The following TOGARAM2 variants were observed in gnomAD, a reference collection of about 807,000 sequenced individuals.
TOGARAM2 encodes TOG array regulator of axonemal microtubules 2, also known as TOG array regulator of axonemal microtubules protein 2.
TOGARAM2 carries 85 observed loss-of-function variants against 93.3 expected under a neutral mutation model. That is an observed-to-expected ratio of 0.91 (90% CI 0.76 to 1.09). The LOEUF (loss-of-function observed/expected upper bound fraction) is 1.09, where lower values mean the gene tolerates loss of function less well. TOGARAM2 is among the 50% of genes least tolerant of loss of function. The pLI is 0.00. For synonymous variants in TOGARAM2, 593 were observed against 552.8 expected (o/e 1.07, Z -1.02); for missense variants, 1,277 against 1,334.5 (o/e 0.96, Z 0.67).
intron 1 of TOGARAM2, among the ~76,000 whole-genome samples, chr2:28,992,003 C>T (rs1672756487): frequency 6.6e-6 from 1 of 152,184 alleles, no homozygotes; most frequent in African/African-American, 2.4e-5. Flanking sequence ...CCAGAATCCA[C>T]TGGCTCATTT....
At chr2:29,001,136 G>A (rs1290796107) in intron 4 of TOGARAM2, among the ~76,000 whole-genome samples, 5 of 152,030 alleles carry the variant, frequency 3.3e-5, no homozygotes, top group Admixed American at 3.3e-4. Flanking sequence ...ACTCCTCTGT[G>A]CCCTGACCCA....
chr2:29,004,630 GTGAGTGTA>G (rs1673515456), intron 6 of TOGARAM2, among the ~76,000 whole-genome samples: 1 of 46,704 alleles, frequency 2.1e-5, no homozygotes, highest in Non-Finnish European at 6.4e-5. Flanking sequence ...GCAGGTATGT[GTGAGTGTA>G]TGTGTATGAG....
chr2:28,984,100 T>C (rs1470179913), intron 1 of TOGARAM2, among the ~76,000 whole-genome samples: 3 of 151,906 alleles, frequency 2.0e-5, no homozygotes, highest in African/African-American at 7.3e-5. Flanking sequence ...CACATACTTC[T>C]TAGTGTTTGA....
intron 2 of TOGARAM2, among the ~76,000 whole-genome samples, chr2:28,997,807 T>C (rs1180105674): frequency 1.3e-5 from 2 of 152,020 alleles, no homozygotes; most frequent in African/African-American, 2.4e-5. Context: ...ACTCCATCGG[T>C]CAATGATGTT....
intron 1 of TOGARAM2, among the ~76,000 whole-genome samples, chr2:28,990,124 G>T (rs1672650605): frequency 6.6e-6 from 1 of 152,168 alleles, no homozygotes; most frequent in Non-Finnish European, 1.5e-5. Context: ...GGAAGCATGG[G>T]TAGCTGTTTC....
intron 19 of TOGARAM2, chr2:29,046,772 C>T (rs1666770964): frequency 6.5e-6 from 1 of 152,858 alleles, no homozygotes; most frequent in Admixed American, 6.5e-5. Context: ...AAGACCCCAA[C>T]CCTGTGCTGT....
In TOGARAM2 at chr2:29,035,636, G is replaced by A. The variant is rs1250595351; in HGVS notation, c.2398G>A (p.Val800Ile). Residue 800 changes from valine (V) to isoleucine (I), a missense_variant, in exon 17 of 20, where the codon GTC (valine) becomes ATC (isoleucine). Physicochemically the swap from Val to Ile is conservative, Grantham distance 29. Coordinates refer to ENST00000379558, the MANE Select transcript of TOGARAM2 (RefSeq NM_199280.4). ...GCTCTGCAAGGCCAAGACGGAGCTT[G>A]TCACTGCCCACCTGGTCCAGGTGAG... is the stretch of plus-strand genomic sequence containing the variant. ...LELCKAKTEL[V>I]TAHLVQVFDA... 1 of 1,520,542 alleles carries A rather than the reference G, an allele frequency of 6.6e-7. No individual in the cohort carries two copies. The highest frequency in any genetic ancestry group is 8.8e-7 in the Non-Finnish European group (1 of 1,131,094). The allele number at this position is 1,520,542 out of a possible 1,614,324, so 94.2% of individuals were successfully genotyped here.
intron 1 of TOGARAM2, among the ~76,000 whole-genome samples, chr2:28,982,866 AC>A (rs1213365526): frequency 6.6e-6 from 1 of 151,102 alleles, no homozygotes; most frequent in Non-Finnish European, 1.5e-5. Context: ...CCCAGAACCC[AC>A]CCCCGTGGGC....
chr2:29,027,209 C>T (rs11896479), intron 14 of TOGARAM2, among the ~76,000 whole-genome samples, 198 bp downstream of exon 14: 96,099 of 152,088 alleles, frequency 0.63, 31,209 homozygotes, highest in Middle Eastern at 0.74. Flanking sequence ...TCCTTACTCC[C>T]TGCCTCCACT....
At chr2:28,975,362 G>A (rs936634880) in intron 1 of TOGARAM2, among the ~76,000 whole-genome samples, 3 of 151,734 alleles carry the variant, frequency 2.0e-5, no homozygotes, top group Non-Finnish European at 4.4e-5. Context: ...CTATGTTTTT[G>A]TGTTTTTAGT....
chr2:29,012,706 C>A (rs559509739), intron 7 of TOGARAM2, among the ~76,000 whole-genome samples: 4 of 152,324 alleles, frequency 2.6e-5, no homozygotes, highest in Non-Finnish European at 4.4e-5. Context: ...CCTTAAAGGG[C>A]TCTCTGCCCT....
chr2:28,967,798 CTTTTTT>C (rs11417570), intron 1 of TOGARAM2, among the ~76,000 whole-genome samples: 15 of 78,570 alleles, frequency 1.9e-4, no homozygotes, highest in African/African-American at 7.5e-4. Context: ...ATAAGATGGT[CTTTTTT>C]TTTTTTTTTT....
At chr2:28,957,472 C>T (rs866933979) in intron 1 of TOGARAM2, among the ~76,000 whole-genome samples, 3 of 152,164 alleles carry the variant, frequency 2.0e-5, no homozygotes, top group Non-Finnish European at 1.5e-5. Flanking sequence ...TAAGCCACTG[C>T]GCCTGGCCAA....
At chr2:29,009,884 C>T (rs1001665352) in intron 6 of TOGARAM2, among the ~76,000 whole-genome samples, 1 of 152,052 alleles carries the variant, frequency 6.6e-6, no homozygotes, top group Non-Finnish European at 1.5e-5. Flanking sequence ...AAGGCAGGGG[C>T]CCTGATCGGC....
Position 29,033,510 on chromosome 2 carries a change from C to A in TOGARAM2, c.2172C>A (p.Arg724=), listed in dbSNP as rs766266785. Residue 724 remains arginine (R), a synonymous_variant, in exon 16 of 20, where the codon CGC becomes CGA. Transcript: ENST00000379558. ...ATGAACTTCCCTCTGCCAAAGGCCG[C>A]AAGGTGTTGAGGAGTCTGGTGGTGT... ...DNDELPSAKG[R]KVLRSLVVCE... is the part of the protein sequence containing the mutation. 6.2e-7 allele frequency: 1 copy of A among 1,613,778 alleles called. No homozygotes were observed. The highest frequency in any genetic ancestry group is 1.3e-5 in the African/African-American group (1 of 75,016).
upstream of TOGARAM2, among the ~76,000 whole-genome samples, chr2:28,978,805 G>T (rs1672072418): frequency 6.6e-6 from 1 of 152,058 alleles, no homozygotes; most frequent in Non-Finnish European, 1.5e-5. Context: ...GAGAGTCGGG[G>T]CAATGACTGG....
intron 18 of TOGARAM2, among the ~76,000 whole-genome samples, chr2:29,042,948 A>G (rs1050470582): frequency 8.5e-5 from 13 of 152,202 alleles, no homozygotes; most frequent in Admixed American, 2.6e-4. Flanking sequence ...GTCACTCTGG[A>G]TGTTTACCTT....
Position 29,027,023 on chromosome 2 carries a change from C to A in TOGARAM2, c.2012+12C>A. The A allele has an allele frequency of 6.5e-7, 1 of 1,548,440 alleles. No homozygotes were observed. Among genetic ancestry groups the A allele is most frequent in the Non-Finnish European group, 8.7e-7 (1 of 1,144,508 alleles). ...AACCAGGACACCAGGTAGGGCAGGG[C>A]CAGGGGCCTGGGGGCAGAGAAGGCA... On this transcript the variant is annotated intron_variant, in intron 14 of 19. Coordinates refer to ENST00000379558, the MANE Select transcript of TOGARAM2 (RefSeq NM_199280.4).
intron 7 of TOGARAM2, among the ~76,000 whole-genome samples, chr2:29,013,502 A>C (rs1664375563): frequency 6.6e-6 from 1 of 152,240 alleles, no homozygotes; most frequent in Admixed American, 6.5e-5. Context: ...GGACGCCAAC[A>C]GTGCAGCCTT....
Sources: gnomAD v4.1 joint callset for allele counts (sites outside exome capture counted in the v4.1 genomes callset) on GRCh38, gnomAD v4.1.1 for gene constraint, MANE v1.5 for transcripts, NCBI Gene and HGNC (gene_info 2026-07-23, HGNC 2026-07-21) for gene names.